The following CLIP4 variants were observed in gnomAD, a reference collection of about 807,000 sequenced individuals.
The protein encoded by CLIP4 is CAP-Gly domain containing linker protein family member 4, also known as CAP-Gly domain-containing linker protein 4.
Under a neutral mutation model 73.1 loss-of-function variants are expected in CLIP4, and 47 were observed. The ratio of observed to expected loss-of-function variants is 0.64; its 90% CI spans 0.51 to 0.82. The LOEUF (loss-of-function observed/expected upper bound fraction) is 0.82. Ranked by LOEUF, CLIP4 falls within the 40% of genes least tolerant of loss-of-function variation. CLIP4 has a pLI of 0.00. For synonymous variants in CLIP4, 306 were observed against 295.4 expected, an observed-to-expected ratio of 1.04 and a Z score of -0.37; for missense variants, 874 against 852.9, an observed-to-expected ratio of 1.02 and a Z score of -0.31.
At chr2:29,167,659 G>A (rs1366987410) in intron 14 of CLIP4, 119 bp downstream of exon 14, 5 of 647,558 alleles carry the variant, frequency 7.7e-6, no homozygotes, top group Non-Finnish European at 1.2e-5. Context: ...TATAGTTTTT[G>A]TAATAATAGA....
chr2:29,112,924 G>T (rs1434292081), upstream of CLIP4, among the ~76,000 whole-genome samples: 1 of 152,180 alleles, frequency 6.6e-6, no homozygotes, highest in South Asian at 2.1e-4. Flanking sequence ...TTTTATCATG[G>T]TCGGGGTCCT....
intron 14 of CLIP4, among the ~76,000 whole-genome samples, chr2:29,173,531 G>T (rs1573036586): frequency 6.6e-6 from 1 of 152,200 alleles, no homozygotes; most frequent in South Asian, 2.1e-4. Context: ...AAGCCTGCTG[G>T]TATAAGATGG....
At chr2:29,179,929 A>G (rs1396557666) in intron 15 of CLIP4, among the ~76,000 whole-genome samples, 1 of 152,258 alleles carries the variant, frequency 6.6e-6, no homozygotes, top group Non-Finnish European at 1.5e-5. Context: ...GGCTTAGAAT[A>G]AATCTCTGAG....
chr2:29,132,328 T>G, intron 4 of CLIP4, 83 bp downstream of exon 4: 1 of 1,119,258 alleles, frequency 8.9e-7, no homozygotes, highest in Non-Finnish European at 1.3e-6. Flanking sequence ...ATATATTGTC[T>G]GGGGGAAGGC....
At position 29,174,265 on chromosome 2, in the gene CLIP4, A is replaced by C; in HGVS notation, c.1724-108A>C. 6.0e-6 allele frequency: 6 copies of C among 996,270 alleles called. No individual in the cohort carries two copies. In the South Asian group the frequency reaches 9.8e-5, roughly 16 times the overall value. 61.7% of individuals were successfully genotyped at this position (996,270 alleles called of 1,614,324 possible). On this transcript the variant is annotated intron_variant, in intron 14 of 15. Coordinates refer to ENST00000320081, the MANE Select transcript of CLIP4 (RefSeq NM_024692.6). ...CCATGCCAGCCTGCTGTTTTGAAAG[A>C]AACATTTAATATAATAGAACATCTA...
chr2:29,119,514 T>C (rs1350985600), intron 1 of CLIP4, among the ~76,000 whole-genome samples: 3 of 152,200 alleles, frequency 2.0e-5, no homozygotes, highest in African/African-American at 7.2e-5. Flanking sequence ...TATAAAAACA[T>C]GTCTGAGTCC....
intron 2 of CLIP4, among the ~76,000 whole-genome samples, chr2:29,123,928 T>C (rs1664428023): frequency 6.6e-6 from 1 of 152,240 alleles, no homozygotes; most frequent in African/African-American, 2.4e-5. Flanking sequence ...ATCTTTTGCT[T>C]TGAAATGCCT....
chr2:29,135,303 T>C (rs899252608), intron 5 of CLIP4, among the ~76,000 whole-genome samples: 2 of 152,314 alleles, frequency 1.3e-5, no homozygotes, highest in Non-Finnish European at 2.9e-5. Context: ...AAATATGTTT[T>C]AGTTTGAAAA....
intron 6 of CLIP4, among the ~76,000 whole-genome samples, chr2:29,138,488 T>C (rs1262550503): frequency 7.0e-6 from 1 of 143,138 alleles, no homozygotes; most frequent in Non-Finnish European, 1.6e-5. Context: ...CTATTTGGGC[T>C]CTTTTTTTTT....
At chr2:29,156,299 A>G in intron 9 of CLIP4, 55 bp from the exon 10 acceptor site, 4 of 1,236,982 alleles carry the variant, frequency 3.2e-6, no homozygotes, top group Admixed American at 2.6e-5. Flanking sequence ...TAAAAAATAC[A>G]TTTTATGTTT....
chr2:29,145,109 T>C, intron 7 of CLIP4, 123 bp from the exon 8 acceptor site: 1 of 759,442 alleles, frequency 1.3e-6, no homozygotes. Context: ...AGAGCGAATT[T>C]TTAAAATTCA....
At chr2:29,106,882 G>C (rs1349272797) in intron 1 of CLIP4, among the ~76,000 whole-genome samples, 1 of 152,100 alleles carries the variant, frequency 6.6e-6, no homozygotes, top group Non-Finnish European at 1.5e-5. Flanking sequence ...TATTCTTCTT[G>C]TGTTGAACTC....
chr2:29,099,207 A>G (rs1241090551), intron 1 of CLIP4, among the ~76,000 whole-genome samples: 1 of 152,222 alleles, frequency 6.6e-6, no homozygotes, highest in Non-Finnish European at 1.5e-5. Flanking sequence ...AATATAATGA[A>G]GTTCAACTTG....
intron 2 of CLIP4, among the ~76,000 whole-genome samples, chr2:29,125,840 AC>A (rs755693321): frequency 5.9e-5 from 9 of 151,968 alleles, no homozygotes; most frequent in Non-Finnish European, 8.8e-5. Context: ...AGTAGACATC[AC>A]CTCCATTTTC....
chr2:29,139,196 GT>G (rs70958245), intron 6 of CLIP4, among the ~76,000 whole-genome samples: 58,515 of 147,766 alleles, frequency 0.4, 11,579 homozygotes, highest in Middle Eastern at 0.49. Flanking sequence ...TTTGTTGAAG[GT>G]TTTTTTTTTT....
intron 14 of CLIP4, 160 bp downstream of exon 14, chr2:29,167,700 A>G (rs13424216): frequency 0.027 from 13,468 of 504,508 alleles, 1,520 homozygotes; most frequent in African/African-American, 0.24. Flanking sequence ...CCCTGGCTGA[A>G]GAAGATGATA....
chr2:29,161,504 G>A (rs1005205253), intron 12 of CLIP4, among the ~76,000 whole-genome samples: 1 of 151,906 alleles, frequency 6.6e-6, no homozygotes, highest in East Asian at 1.9e-4. Context: ...TAACAAATTC[G>A]CCTGCCACAG....
At chr2:29,167,727 C>A in intron 14 of CLIP4, 187 bp downstream of exon 14, 1 of 437,090 alleles carries the variant, frequency 2.3e-6, no homozygotes, top group Middle Eastern at 6.0e-4. Context: ...CCTGTAGAAA[C>A]CCCTGAGTAC....
chr2:29,175,132 CA>C (rs1168948669), intron 15 of CLIP4, among the ~76,000 whole-genome samples: 1 of 152,118 alleles, frequency 6.6e-6, no homozygotes, highest in Non-Finnish European at 1.5e-5. Context: ...CCCTAGGAGC[CA>C]CGAGAAATTA....
Sources: gnomAD v4.1 joint callset for allele counts (sites outside exome capture counted in the v4.1 genomes callset) on GRCh38, gnomAD v4.1.1 for gene constraint, MANE v1.5 for transcripts, NCBI Gene and HGNC (gene_info 2026-07-23, HGNC 2026-07-21) for gene names.